RASA2: variants seen among roughly 807,000 people sequenced by gnomAD.
RASA2 encodes ras GTPase-activating protein 2.
Under a neutral mutation model 118.2 loss-of-function variants are expected in RASA2, and 155 were observed. The observed-to-expected ratio is 1.31, with a 90% confidence interval of 1.15 to 1.50. The LOEUF is 1.50. Among genes scored for constraint, RASA2 ranks in the 40% most tolerant of loss-of-function variants. The pLI, the probability that RASA2 is intolerant of heterozygous loss-of-function variation, is 0.00. For missense variants in RASA2, 1,016 were observed against 1,009.6 expected (o/e 1.01, Z -0.09); for synonymous variants, 353 against 349.1 (o/e 1.01, Z -0.12).
rs779600864 is a variant in RASA2 at position 141,612,282 on chromosome 3, G to A, written c.2520-1G>A. ...GAAAAATGACTTTTTTTCTTCTCTA[G>A]GGAAAATCCAATTGTTGGGAAAGCA... On this transcript the variant is annotated splice_acceptor_variant, in intron 23 of 23. Transcript: ENST00000286364. LOFTEE classifies it high-confidence loss of function. 1 of 1,583,776 alleles carries A rather than the reference G, an allele frequency of 6.3e-7. No individual in the cohort carries two copies. The highest frequency in any genetic ancestry group is 8.6e-7 in the Non-Finnish European group (1 of 1,158,376).
chr3:141,576,095 A>G (rs1276675712), intron 14 of RASA2, among the ~76,000 whole-genome samples: 4 of 152,170 alleles, frequency 2.6e-5, no homozygotes, highest in Non-Finnish European at 1.5e-5. Flanking sequence ...ATGTTTTTAT[A>G]TACATGCAGA....
intron 4 of RASA2, among the ~76,000 whole-genome samples, chr3:141,533,806 T>C (rs1387435109): frequency 1.3e-5 from 2 of 152,128 alleles, no homozygotes; most frequent in African/African-American, 2.4e-5. Flanking sequence ...GGCTGAACCA[T>C]TTTTTTCCTC....
chr3:141,507,955 A>G (rs954927153), intron 1 of RASA2, among the ~76,000 whole-genome samples: 1 of 152,196 alleles, frequency 6.6e-6, no homozygotes, highest in African/African-American at 2.4e-5. Context: ...AATGGATGTG[A>G]ACAGTAATCT....
chr3:141,493,083 A>G (rs543705261), intron 1 of RASA2, among the ~76,000 whole-genome samples: 2 of 152,230 alleles, frequency 1.3e-5, no homozygotes, highest in African/African-American at 2.4e-5. Flanking sequence ...AGAGACAGCA[A>G]GTGTCACACA....
intron 3 of RASA2, among the ~76,000 whole-genome samples, chr3:141,523,607 CAT>C (rs1021505608): frequency 2.0e-5 from 3 of 152,138 alleles, no homozygotes; most frequent in Non-Finnish European, 4.4e-5. Flanking sequence ...GAAATTAAAA[CAT>C]AAATGTTTTA....
intron 1 of RASA2, among the ~76,000 whole-genome samples, chr3:141,503,735 G>A (rs1211536902): frequency 1.3e-5 from 2 of 152,130 alleles, no homozygotes; most frequent in Non-Finnish European, 2.9e-5. Context: ...AGCCTAATAA[G>A]GACACAGACT....
chr3:141,563,093 GTTT>G (rs2082762492), intron 9 of RASA2, among the ~76,000 whole-genome samples: 2 of 152,158 alleles, frequency 1.3e-5, no homozygotes, highest in Non-Finnish European at 2.9e-5. Flanking sequence ...GGTTAGAATT[GTTT>G]AAATGCTGAT....
chr3:141,597,732 T>TA (rs1374730718), intron 19 of RASA2, among the ~76,000 whole-genome samples: 1 of 149,994 alleles, frequency 6.7e-6, no homozygotes. Flanking sequence ...ATGGCAAAAA[T>TA]AAAGATGAGA....
chr3:141,607,758 A>AG lies in RASA2; in HGVS notation c.2014_2015insG (p.Asn672ArgfsTer18). 6.3e-7 allele frequency: 1 copy of AG among 1,579,260 alleles called. No individual in the cohort carries two copies. The highest frequency in any genetic ancestry group is 8.6e-7 in the Non-Finnish European group (1 of 1,165,366). On this transcript the variant is annotated frameshift_variant and splice_region_variant, in exon 20 of 24. Coordinates refer to ENST00000286364, the MANE Select transcript of RASA2 (RefSeq NM_006506.5). LOFTEE classifies it high-confidence loss of function. The stretch of plus-strand genomic sequence containing the variant: ...GGAAGAGAGCTCTTTCAACAAGAAA[A>AG]ATGTAAGTTATGTAAATAAATATTT...
intron 19 of RASA2, among the ~76,000 whole-genome samples, chr3:141,596,101 C>T (rs1256697891): frequency 6.6e-6 from 1 of 152,112 alleles, no homozygotes; most frequent in Non-Finnish European, 1.5e-5. Flanking sequence ...TTGGAACATT[C>T]AGTAAAATAG....
intron 19 of RASA2, among the ~76,000 whole-genome samples, chr3:141,604,400 T>C (rs2083515201): frequency 6.6e-6 from 1 of 152,198 alleles, no homozygotes; most frequent in Non-Finnish European, 1.5e-5. Flanking sequence ...TGTTAACAAA[T>C]TAAAACTTAA....
intron 1 of RASA2, 62 bp downstream of exon 1, chr3:141,487,278 G>A: frequency 8.2e-7 from 1 of 1,223,636 alleles, no homozygotes; most frequent in South Asian, 3.4e-5. Context: ...TGAGGGGGCG[G>A]CGGGTTCGCG....
intron 3 of RASA2, among the ~76,000 whole-genome samples, chr3:141,518,729 C>T (rs1315056853): frequency 2.6e-5 from 4 of 151,698 alleles, no homozygotes; most frequent in Admixed American, 2.6e-4. Context: ...ATATGTTTTT[C>T]TTAATTATAA....
intron 19 of RASA2, chr3:141,600,348 T>A: frequency 1.9e-6 from 1 of 523,002 alleles, no homozygotes; most frequent in Admixed American, 2.0e-5. Flanking sequence ...CTCTAAGCAA[T>A]TGCATGATGA....
chr3:141,610,478 A>AT (rs1559799834), intron 23 of RASA2, among the ~76,000 whole-genome samples: 1 of 99,998 alleles, frequency 1.0e-5, no homozygotes, highest in African/African-American at 5.4e-5. Context: ...TATATATATA[A>AT]ATATATATAT....
At chr3:141,504,619 G>A (rs2081836473) in intron 1 of RASA2, among the ~76,000 whole-genome samples, 1 of 152,094 alleles carries the variant, frequency 6.6e-6, no homozygotes, top group South Asian at 2.1e-4. Context: ...TTCGCTCATT[G>A]AGATTACTAC....
At chr3:141,582,128 T>C (rs1390158099) in intron 17 of RASA2, among the ~76,000 whole-genome samples, 1 of 152,238 alleles carries the variant, frequency 6.6e-6, no homozygotes, top group East Asian at 1.9e-4. Context: ...TCATTCAATT[T>C]CTGTAGCACA....
At chr3:141,492,070 G>C (rs183308075) in intron 1 of RASA2, among the ~76,000 whole-genome samples, 14 of 152,302 alleles carry the variant, frequency 9.2e-5, no homozygotes, top group Non-Finnish European at 1.6e-4. Flanking sequence ...GGGAGAAAAG[G>C]GTTCTTTGTA....
chr3:141,491,023 A>G (rs2081634055), intron 1 of RASA2, among the ~76,000 whole-genome samples: 1 of 152,264 alleles, frequency 6.6e-6, no homozygotes, highest in South Asian at 2.1e-4. Flanking sequence ...GTTCTTGTCC[A>G]ATGTATACTG....
Sources: allele counts gnomAD v4.1 joint callset (sites outside exome capture counted in the v4.1 genomes callset), GRCh38; gene constraint gnomAD v4.1.1; transcripts MANE v1.5; gene names NCBI Gene and HGNC (gene_info 2026-07-23, HGNC 2026-07-21).